The following NAV2 variants were observed in gnomAD, a reference collection of about 807,000 sequenced individuals.
NAV2 encodes helicase, APC down-regulated 1.
In NAV2, 54 loss-of-function variants were observed where a neutral mutation model predicts 223.2. That is an observed-to-expected ratio of 0.24 (90% CI 0.19 to 0.30). The LOEUF is 0.30. Ranked by LOEUF, NAV2 falls within the 10% of genes least tolerant of loss-of-function variation. The pLI is 1.00. For missense variants in NAV2, 2,806 were observed against 3,147.5 expected (o/e 0.89, Z 2.60); for synonymous variants, 1,279 against 1,239.3 (o/e 1.03, Z -0.67).
At chr11:19,854,220 G>A (rs973703654) in intron 3 of NAV2, among the ~76,000 whole-genome samples, 4 of 152,102 alleles carry the variant, frequency 2.6e-5, no homozygotes, top group Non-Finnish European at 1.5e-5. Context: ...TTTTGTATAT[G>A]TGTTGTTTTT....
chr11:19,779,533 C>T (rs2403532), intron 1 of NAV2, among the ~76,000 whole-genome samples: 2 of 152,190 alleles, frequency 1.3e-5, no homozygotes, highest in Admixed American at 6.5e-5. Flanking sequence ...TGCCTGTGTT[C>T]GTTGTGAAAG....
chr11:19,860,140 C>T (rs2061649684), intron 3 of NAV2, among the ~76,000 whole-genome samples: 3 of 145,474 alleles, frequency 2.1e-5, no homozygotes, highest in South Asian at 2.2e-4. Flanking sequence ...CCCCTCACCT[C>T]CCGGACGGGG....
chr11:19,425,520 A>G (rs552833046), intron 1 of NAV2, among the ~76,000 whole-genome samples: 1 of 152,320 alleles, frequency 6.6e-6, no homozygotes, highest in East Asian at 1.9e-4. Context: ...GACCTAGAGA[A>G]TTAGAGGGGC....
intron 1 of NAV2, among the ~76,000 whole-genome samples, chr11:19,427,003 C>T (rs1850857216): frequency 6.6e-6 from 1 of 152,132 alleles, no homozygotes; most frequent in South Asian, 2.1e-4. Flanking sequence ...AAATTAAATC[C>T]CTGGCATGGC....
chr11:19,924,363 C>A (rs966357449), intron 6 of NAV2, among the ~76,000 whole-genome samples: 3 of 151,206 alleles, frequency 2.0e-5, no homozygotes, highest in Admixed American at 6.6e-5. Flanking sequence ...TACCTCATCA[C>A]CCATGGTTTC....
chr11:19,749,393 T>C (rs2053622362), intron 1 of NAV2, among the ~76,000 whole-genome samples: 2 of 152,128 alleles, frequency 1.3e-5, no homozygotes, highest in Admixed American at 6.5e-5. Flanking sequence ...TTGACTAAAA[T>C]GTCGTTATTT....
chr11:19,705,814 T>C (rs540587977), intron 1 of NAV2, among the ~76,000 whole-genome samples: 1 of 152,350 alleles, frequency 6.6e-6, no homozygotes, highest in East Asian at 1.9e-4. Context: ...CTGTGTTTTT[T>C]GTCCTCCTCA....
chr11:19,423,108 A>T (rs1225987829), intron 1 of NAV2, among the ~76,000 whole-genome samples: 1 of 152,174 alleles, frequency 6.6e-6, no homozygotes. Context: ...CACAGTAAAT[A>T]CTCATTTGTA....
chr11:19,498,219 C>A (rs1467525734), intron 1 of NAV2, among the ~76,000 whole-genome samples: 4 of 152,126 alleles, frequency 2.6e-5, no homozygotes, highest in African/African-American at 9.7e-5. Flanking sequence ...CTAGGCAGCA[C>A]CCCCTGATCT....
chr11:19,439,638 G>T lies in NAV2; in HGVS notation c.75+88611G>T, dbSNP rs543959455. 3.9e-5 allele frequency among the ~76,000 whole-genome samples: 6 copies of T among 152,304 alleles called. No individual in the cohort carries two copies. In the East Asian group the frequency reaches 1.2e-3, roughly 29 times the overall value. On this transcript the variant is annotated intron_variant, in intron 1 of 37. Transcript: ENST00000360655. ...CATGATACCTGTGTTTATTTTCTAT[G>T]TCCCAATGTGCTCATTCACATATTT...
chr11:20,052,578 G>T (rs2058081609), intron 17 of NAV2, among the ~76,000 whole-genome samples: 1 of 152,186 alleles, frequency 6.6e-6, no homozygotes, highest in South Asian at 2.1e-4. Flanking sequence ...TTGTGAAATG[G>T]TGTGTATACT....
intron 1 of NAV2, among the ~76,000 whole-genome samples, chr11:19,518,151 G>A (rs903748679): frequency 2.6e-5 from 4 of 152,198 alleles, no homozygotes; most frequent in African/African-American, 9.7e-5. Flanking sequence ...AACTTTCCTG[G>A]ATAACAGACT....
chr11:19,479,508 A>C (rs976847614), intron 1 of NAV2, among the ~76,000 whole-genome samples: 1 of 152,128 alleles, frequency 6.6e-6, no homozygotes, highest in Non-Finnish European at 1.5e-5. Context: ...ACCACTCAGG[A>C]GGGCAAGTGC....
chr11:19,479,446 C>T (rs1328208786), intron 1 of NAV2, among the ~76,000 whole-genome samples: 1 of 152,050 alleles, frequency 6.6e-6, no homozygotes, highest in East Asian at 1.9e-4. Context: ...TGCCAGATGC[C>T]GTGCTAAGTG....
chr11:20,068,726 A>T (rs2059206355), intron 22 of NAV2, among the ~76,000 whole-genome samples: 1 of 152,152 alleles, frequency 6.6e-6, no homozygotes, highest in Non-Finnish European at 1.5e-5. Flanking sequence ...GAAAATTTTG[A>T]TTTTAAGGGT....
chr11:19,856,467 T>G (rs1318031272), intron 3 of NAV2, among the ~76,000 whole-genome samples: 11 of 152,222 alleles, frequency 7.2e-5, no homozygotes, highest in Admixed American at 7.2e-4. Context: ...GTGTATTCCT[T>G]GCAAAATTCC....
At chr11:19,892,616 C>T (rs763310161) in intron 6 of NAV2, 22 bp downstream of exon 6, 2 of 1,609,978 alleles carry the variant, frequency 1.2e-6, no homozygotes, top group Admixed American at 3.3e-5. Context: ...TCTTGAGGAG[C>T]CTTTTTGGTA....
At chr11:19,829,996 G>A (rs1411341533) in intron 1 of NAV2, among the ~76,000 whole-genome samples, 3 of 152,178 alleles carry the variant, frequency 2.0e-5, no homozygotes, top group Non-Finnish European at 4.4e-5. Context: ...GGAGGCTGAG[G>A]TGGGCAGATC....
chr11:19,629,224 C>T (rs2047269288), intron 1 of NAV2, among the ~76,000 whole-genome samples: 1 of 152,064 alleles, frequency 6.6e-6, no homozygotes, highest in Admixed American at 6.6e-5. Context: ...AGCCTTCACC[C>T]ATCAAGCCTC....
Sources: allele counts gnomAD v4.1 joint callset (sites outside exome capture counted in the v4.1 genomes callset), GRCh38; gene constraint gnomAD v4.1.1; transcripts MANE v1.5; gene names NCBI Gene and HGNC (gene_info 2026-07-23, HGNC 2026-07-21).